Variants in NOVA2 observed in about 807,000 individuals in gnomAD.
The protein encoded by NOVA2 is NOVA alternative splicing regulator 2, also known as RNA-binding protein Nova-2.
NOVA2 carries 9 observed loss-of-function variants against 22.5 expected under a neutral mutation model. The observed-to-expected ratio is 0.40, with a 90% CI of 0.24 to 0.70. The LOEUF is 0.70. Among genes scored for constraint, NOVA2 ranks in the 30% least tolerant of loss-of-function variants. NOVA2 has a pLI of 0.38. For synonymous variants in NOVA2, 318 were observed against 335.2 expected (o/e 0.95, Z 0.56); for missense variants, 383 against 682.8 (o/e 0.56, Z 4.89).
intron 1 of NOVA2, among the ~76,000 whole-genome samples, chr19:45,968,594 TG>T (rs1968195831): frequency 2.6e-5 from 4 of 151,946 alleles, no homozygotes; most frequent in African/African-American, 4.8e-5. Context: ...ATAATAATAA[TG>T]ATGATGATGA....
chr19:45,950,653 T>C (rs1401530054), intron 3 of NOVA2, among the ~76,000 whole-genome samples: 1 of 152,176 alleles, frequency 6.6e-6, no homozygotes, highest in African/African-American at 2.4e-5. Context: ...AGATAATACA[T>C]GCTTAGAATC....
At chr19:45,953,248 G>T (rs1967953122) in intron 3 of NOVA2, among the ~76,000 whole-genome samples, 1 of 152,238 alleles carries the variant, frequency 6.6e-6, no homozygotes, top group Non-Finnish European at 1.5e-5. Flanking sequence ...GAGGGGCGCT[G>T]CCTTCCCCCT....
intron 1 of NOVA2, among the ~76,000 whole-genome samples, chr19:45,969,544 T>C (rs1968208491): frequency 7.8e-6 from 1 of 127,774 alleles, no homozygotes; most frequent in Non-Finnish European, 1.6e-5. Context: ...AAAAGAGGGA[T>C]GTTAGGAGCA....
At chr19:45,970,243 C>T (rs963173732) in intron 1 of NOVA2, among the ~76,000 whole-genome samples, 4 of 152,110 alleles carry the variant, frequency 2.6e-5, no homozygotes, top group Non-Finnish European at 4.4e-5. Flanking sequence ...ACTGCAGTAT[C>T]GTAAGTCTAG....
At chr19:45,956,934 A>G (rs1968014676) in intron 2 of NOVA2, among the ~76,000 whole-genome samples, 1 of 152,194 alleles carries the variant, frequency 6.6e-6, no homozygotes, top group Non-Finnish European at 1.5e-5. Flanking sequence ...GAGTCTGTGC[A>G]TTCTGCTAAA....
In NOVA2 at chr19:45,973,701, C is replaced by A. The variant is rs1349997424; in HGVS notation, c.-350G>T. On this transcript the variant is annotated 5_prime_UTR_variant, in exon 1 of 4. Coordinates refer to ENST00000263257, the MANE Select transcript of NOVA2 (RefSeq NM_002516.4). ...CGGGGGGCTGACAGAGCCTGGAGAG[C>A]GGCCGTGAGCAGGATGGCAGGGCCG... is the stretch of plus-strand genomic sequence containing the variant. Among the ~76,000 whole-genome samples the A allele has an allele frequency of 2.1e-5, 3 of 140,418 alleles. No homozygotes were observed. The highest frequency in any genetic ancestry group is 4.6e-5 in the Non-Finnish European group (3 of 64,730). The allele number at this position is 140,418 out of a possible 152,430, so 92.1% of individuals were successfully genotyped here. A position where few individuals can be genotyped will look rare whatever the true frequency, so the allele number is the denominator to read the frequency against.
chr19:45,949,711 C>T (rs912302067), intron 3 of NOVA2, among the ~76,000 whole-genome samples: 5 of 149,128 alleles, frequency 3.4e-5, no homozygotes, highest in African/African-American at 1.2e-4. Flanking sequence ...GCTGTTTCTA[C>T]AACACAGCAA....
chr19:45,959,472 T>A (rs1481757899), intron 2 of NOVA2, among the ~76,000 whole-genome samples: 1 of 152,122 alleles, frequency 6.6e-6, no homozygotes, highest in Non-Finnish European at 1.5e-5. Flanking sequence ...GGACGACATG[T>A]CTCGTGGCAC....
intron 2 of NOVA2, among the ~76,000 whole-genome samples, chr19:45,954,901 C>G (rs1049248723): frequency 6.8e-6 from 1 of 147,172 alleles, no homozygotes; most frequent in East Asian, 2.1e-4. Flanking sequence ...TGTACTTGAG[C>G]AGGACTAGCT....
At chr19:45,943,584 G>C (rs573642834) in intron 3 of NOVA2, among the ~76,000 whole-genome samples, 1 of 151,868 alleles carries the variant, frequency 6.6e-6, no homozygotes, top group South Asian at 2.1e-4. Context: ...CTGGCCTGGT[G>C]GCACATGCCT....
chr19:45,947,890 A>T (rs185173215), intron 3 of NOVA2, among the ~76,000 whole-genome samples: 41 of 152,224 alleles, frequency 2.7e-4, no homozygotes, highest in Admixed American at 2.4e-3. Context: ...AAATCCCTGA[A>T]AAGCTGCCTT....
intron 1 of NOVA2, among the ~76,000 whole-genome samples, chr19:45,971,986 C>T (rs1353674449): frequency 6.6e-6 from 1 of 151,970 alleles, no homozygotes; most frequent in Non-Finnish European, 1.5e-5. Context: ...TGGTGTCAAA[C>T]ATTCGGCAAT....
intron 3 of NOVA2, among the ~76,000 whole-genome samples, chr19:45,949,768 T>G (rs970840273): frequency 3.4e-5 from 5 of 145,152 alleles, no homozygotes; most frequent in African/African-American, 1.3e-4. Context: ...TGAGACAAAG[T>G]CTTGCTCTGT....
chr19:45,953,362 G>C (rs1318471158), intron 3 of NOVA2, among the ~76,000 whole-genome samples: 1 of 152,186 alleles, frequency 6.6e-6, no homozygotes, highest in Admixed American at 6.5e-5. Context: ...AGGGAAGGAG[G>C]ATGAGAGGCC....
chr19:45,973,200 G>C (rs1284344241), intron 1 of NOVA2, 67 bp downstream of exon 1: 4 of 820,094 alleles, frequency 4.9e-6, no homozygotes, highest in Non-Finnish European at 7.0e-6. Context: ...ACGGGAGGGG[G>C]GGAAAGGATG....
At chr19:45,972,994 C>G (rs1276825701) in intron 1 of NOVA2, among the ~76,000 whole-genome samples, 1 of 151,618 alleles carries the variant, frequency 6.6e-6, no homozygotes, top group Non-Finnish European at 1.5e-5. Context: ...CCCTGAGGCT[C>G]CCACGCCCCC....
chr19:45,958,375 G>C (rs570978171), intron 2 of NOVA2, among the ~76,000 whole-genome samples: 1 of 144,754 alleles, frequency 6.9e-6, no homozygotes, highest in African/African-American at 2.5e-5. Flanking sequence ...GTGTGTGTGA[G>C]AGTGTGTGTG....
intron 1 of NOVA2, among the ~76,000 whole-genome samples, chr19:45,968,493 A>G (rs901871056): frequency 6.6e-6 from 1 of 152,054 alleles, no homozygotes; most frequent in African/African-American, 2.4e-5. Flanking sequence ...GACGGTCTCT[A>G]AGTGAAAGAA....
chr19:45,968,241 G>C (rs1163150226), intron 1 of NOVA2, among the ~76,000 whole-genome samples: 1 of 151,934 alleles, frequency 6.6e-6, no homozygotes, highest in Non-Finnish European at 1.5e-5. Context: ...GAGCTGGCAT[G>C]TTCTATGAGG....
Sources: gnomAD v4.1 joint callset for allele counts (sites outside exome capture counted in the v4.1 genomes callset) on GRCh38, gnomAD v4.1.1 for gene constraint, MANE v1.5 for transcripts, NCBI Gene and HGNC (gene_info 2026-07-23, HGNC 2026-07-21) for gene names.